Variants in KCNQ3 observed in about 807,000 individuals in gnomAD.
The protein encoded by KCNQ3 is potassium voltage-gated channel subfamily Q member 3.
A neutral mutation model predicts 92.5 loss-of-function variants in KCNQ3; 30 were observed. The observed-to-expected ratio is 0.32, with a 90% CI of 0.24 to 0.44. The LOEUF is 0.44. KCNQ3 is among the 20% of genes least tolerant of loss of function. KCNQ3 has a pLI of 1.00. For synonymous variants in KCNQ3, 450 were observed against 468.8 expected (o/e 0.96, Z 0.52); for missense variants, 913 against 1,140.3 (o/e 0.80, Z 2.87).
intron 1 of KCNQ3, among the ~76,000 whole-genome samples, chr8:132,265,831 T>C (rs915098760): frequency 6.6e-6 from 1 of 152,186 alleles, no homozygotes; most frequent in African/African-American, 2.4e-5. Flanking sequence ...GAAACACCCA[T>C]ATACACACTT....
chr8:132,419,377 G>A (rs1820905963), intron 1 of KCNQ3, among the ~76,000 whole-genome samples: 2 of 152,154 alleles, frequency 1.3e-5, no homozygotes, highest in African/African-American at 4.8e-5. Flanking sequence ...AATAATAAAT[G>A]CAACATTTTT....
intron 1 of KCNQ3, among the ~76,000 whole-genome samples, chr8:132,243,629 G>T (rs1328774698): frequency 5.9e-5 from 9 of 152,208 alleles, no homozygotes; most frequent in Admixed American, 2.6e-4. Flanking sequence ...AATGGCTTTG[G>T]TGTCAGAGAC....
intron 1 of KCNQ3, among the ~76,000 whole-genome samples, chr8:132,337,704 A>G (rs1192759916): frequency 6.6e-6 from 1 of 152,082 alleles, no homozygotes; most frequent in East Asian, 1.9e-4. Flanking sequence ...GGAAATCACC[A>G]TGCACACACC....
intron 13 of KCNQ3, among the ~76,000 whole-genome samples, chr8:132,133,940 A>T (rs1341415132): frequency 6.6e-6 from 1 of 152,194 alleles, no homozygotes; most frequent in Non-Finnish European, 1.5e-5. Flanking sequence ...GTAATTATGC[A>T]GGATGGAGAA....
chr8:132,228,236 T>C (rs1173432248), intron 1 of KCNQ3, among the ~76,000 whole-genome samples: 1 of 152,208 alleles, frequency 6.6e-6, no homozygotes, highest in African/African-American at 2.4e-5. Flanking sequence ...GGGCCCTTTT[T>C]TTCAAGAATC....
intron 1 of KCNQ3, chr8:132,447,273 C>G (rs959214947): frequency 6.5e-7 from 1 of 1,534,770 alleles, no homozygotes; most frequent in Admixed American, 2.0e-5. Flanking sequence ...GGTGGTAACA[C>G]AGCTAGAAAT....
intron 1 of KCNQ3, among the ~76,000 whole-genome samples, chr8:132,397,385 C>T (rs1820220485): frequency 6.6e-6 from 1 of 152,290 alleles, no homozygotes; most frequent in East Asian, 1.9e-4. Context: ...TCCATTAAGG[C>T]CTTCCTCTCC....
At chr8:132,325,486 A>G (rs1818020606) in intron 1 of KCNQ3, among the ~76,000 whole-genome samples, 1 of 152,216 alleles carries the variant, frequency 6.6e-6, no homozygotes, top group Admixed American at 6.5e-5. Context: ...ATCTGGAGAT[A>G]GGGTTTCTAA....
chr8:132,367,257 T>C (rs1321444742), intron 1 of KCNQ3, among the ~76,000 whole-genome samples: 1 of 152,236 alleles, frequency 6.6e-6, no homozygotes, highest in Admixed American at 6.5e-5. Flanking sequence ...ATCAGTATTT[T>C]TTTTTCCTTC....
intron 1 of KCNQ3, among the ~76,000 whole-genome samples, chr8:132,208,797 G>A (rs534049993): frequency 6.1e-4 from 93 of 152,226 alleles, no homozygotes; most frequent in Non-Finnish European, 1.2e-3. Flanking sequence ...ATGTTGGGTG[G>A]GAGAAACAAG....
intron 1 of KCNQ3, chr8:132,447,176 C>G (rs1563915558): frequency 6.5e-7 from 1 of 1,531,558 alleles, no homozygotes. Context: ...TTTCATATCC[C>G]CAAAATGAGA....
chr8:132,453,621 C>A (rs1821874033), intron 1 of KCNQ3, among the ~76,000 whole-genome samples: 1 of 152,162 alleles, frequency 6.6e-6, no homozygotes, highest in Non-Finnish European at 1.5e-5. Flanking sequence ...CCCTCCAAAC[C>A]CTCCAACTCT....
intron 2 of KCNQ3, among the ~76,000 whole-genome samples, 158 bp from the exon 3 acceptor site, chr8:132,184,525 C>T (rs1051945916): frequency 3.3e-5 from 5 of 152,046 alleles, no homozygotes; most frequent in African/African-American, 4.8e-5. Flanking sequence ...GAAGGGGAAC[C>T]GGGAGAACAG....
At chr8:132,327,957 A>T (rs749154671) in intron 1 of KCNQ3, among the ~76,000 whole-genome samples, 2 of 151,980 alleles carry the variant, frequency 1.3e-5, no homozygotes, top group Non-Finnish European at 2.9e-5. Context: ...GGGATCTAGG[A>T]CCTGGGGCCT....
chr8:132,302,235 G>A (rs1385700014), intron 1 of KCNQ3, among the ~76,000 whole-genome samples: 1 of 152,212 alleles, frequency 6.6e-6, no homozygotes, highest in Non-Finnish European at 1.5e-5. Flanking sequence ...AGACCTGCCA[G>A]TAATGACCTC....
At chr8:132,154,193 GTTTTTTTTTTTTT>G (rs869112851) in intron 9 of KCNQ3, among the ~76,000 whole-genome samples, 10 of 27,494 alleles carry the variant, frequency 3.6e-4, no homozygotes, top group East Asian at 1.2e-3. Flanking sequence ...AAGGGTAAAA[GTTTTTTTTTTTTT>G]TTTTTTTTTT....
chr8:132,356,368 T>G (rs1463930963), intron 1 of KCNQ3, among the ~76,000 whole-genome samples: 1 of 152,232 alleles, frequency 6.6e-6, no homozygotes, highest in Non-Finnish European at 1.5e-5. Context: ...ACAGCTTTGA[T>G]GCCCACTACT....
chr8:132,238,821 T>C (rs1814899633), intron 1 of KCNQ3, among the ~76,000 whole-genome samples: 1 of 152,182 alleles, frequency 6.6e-6, no homozygotes, highest in Non-Finnish European at 1.5e-5. Context: ...AGCCCAATGC[T>C]GTGTACATGA....
chr8:132,138,135 G>A, intron 11 of KCNQ3, 119 bp from the exon 12 acceptor site: 3 of 1,200,194 alleles, frequency 2.5e-6, no homozygotes, highest in Non-Finnish European at 3.6e-6. Flanking sequence ...AGAGCTTGCT[G>A]GAAGAACTTC....
Sources: allele counts gnomAD v4.1 joint callset (sites outside exome capture counted in the v4.1 genomes callset), GRCh38; gene constraint gnomAD v4.1.1; transcripts MANE v1.5; gene names NCBI Gene and HGNC (gene_info 2026-07-23, HGNC 2026-07-21).